The following ACADL variants were observed in gnomAD, a reference collection of about 807,000 sequenced individuals.
The protein encoded by ACADL is acyl-CoA dehydrogenase long chain.
In ACADL, 60 loss-of-function variants were observed where a neutral mutation model predicts 56.9. The ratio of observed to expected loss-of-function variants is 1.05; its 90% CI spans 0.86 to 1.31. ACADL has a LOEUF of 1.31. ACADL is among the 50% of genes most tolerant of loss of function. The probability of loss-of-function intolerance (pLI) is 0.00; values close to 1 mark genes in which losing one functional copy is unlikely to be tolerated. For missense variants in ACADL, 484 were observed against 525.5 expected (o/e 0.92, Z 0.77); for synonymous variants, 158 against 179.7 (o/e 0.88, Z 0.97).
chr2:210,211,049 T>C (rs1265501586), intron 4 of ACADL, among the ~76,000 whole-genome samples: 2 of 152,064 alleles, frequency 1.3e-5, no homozygotes, highest in Non-Finnish European at 2.9e-5. Context: ...TATTAGTAAA[T>C]AAAATATTAA....
intron 5 of ACADL, among the ~76,000 whole-genome samples, chr2:210,208,109 A>C (rs996224242): frequency 1.3e-5 from 2 of 152,164 alleles, no homozygotes; most frequent in Admixed American, 1.3e-4. Flanking sequence ...TTGAAATGCT[A>C]TGAGTGCTTT....
rs146176190 is a variant in ACADL, at chr2:210,216,420, T to C, written c.463A>G (p.Lys155Glu). The change falls in exon 4 of 11, where the codon AAG becomes GAG. Residue 155 changes from lysine to glutamate, a missense_variant. Lys to Glu is a moderately conservative substitution (Grantham distance 56). Coordinates refer to ENST00000233710, the MANE Select transcript of ACADL (RefSeq NM_001608.4). ...ITNHGSEEQI[K>E]HFIPQMTAGK... is the part of the protein sequence containing the mutation. ...GCAGTCATCTGGGGAATAAAGTGCT[T>C]AATCTGTTCTTCTGAGCCATGGTTT... 2.0e-5 allele frequency: 33 copies of C among 1,613,818 alleles called. No homozygotes were observed. The Middle Eastern group carries it at 9.9e-4, about 48-fold the overall frequency.
Position 210,203,398 on chromosome 2 carries a change from A to T in ACADL, c.917T>A (p.Met306Lys). The T allele has an allele frequency of 3.1e-6, 5 of 1,607,536 alleles. No homozygotes were observed. Among genetic ancestry groups the T allele is most frequent in the Non-Finnish European group, 4.3e-6 (5 of 1,174,908 alleles). Reference protein sequence around the residue: ...ADVAISASEFMFEETRNYVKQ... With the variant: ...ADVAISASEFKFEETRNYVKQ... ...AACATAGTTCCTGGTTTCTTCAAAC[A>T]TGAATTCACTAGCTGAAATTGCCAC... Residue 306 changes from methionine to lysine, a missense_variant, in exon 8 of 11, where the codon ATG (methionine) becomes AAG (lysine). Transcript: ENST00000233710.
chr2:210,217,933 C>T (rs1235734576), intron 3 of ACADL, 32 bp downstream of exon 3: 5 of 1,613,230 alleles, frequency 3.1e-6, no homozygotes, highest in Middle Eastern at 1.7e-4. Flanking sequence ...GTTTACAAAA[C>T]AAGACTCAAC....
intron 4 of ACADL, among the ~76,000 whole-genome samples, chr2:210,212,474 A>G (rs1250242583): frequency 1.3e-5 from 2 of 152,026 alleles, no homozygotes; most frequent in Non-Finnish European, 1.5e-5. Flanking sequence ...ATCCTCCCCT[A>G]TAACCTCTGT....
At chr2:210,216,646 G>A (rs1334848093) in intron 3 of ACADL, 135 bp from the exon 4 acceptor site, 21 of 827,126 alleles carry the variant, frequency 2.5e-5, no homozygotes, top group Middle Eastern at 3.6e-4. Flanking sequence ...ACATTCCTGA[G>A]TGTTTTCTCT....
chr2:210,214,281 G>A (rs949748899), intron 4 of ACADL, among the ~76,000 whole-genome samples: 7 of 151,854 alleles, frequency 4.6e-5, no homozygotes, highest in African/African-American at 1.5e-4. Context: ...TTCTTCCCAC[G>A]TGTTTTTCCC....
At chr2:210,207,904 G>T (rs1042956287) in intron 5 of ACADL, among the ~76,000 whole-genome samples, 1 of 152,046 alleles carries the variant, frequency 6.6e-6, no homozygotes, top group Non-Finnish European at 1.5e-5. Context: ...ATTCTTTTTG[G>T]CACAGAGGAG....
At chr2:210,221,839 C>T (rs1402082432) in intron 1 of ACADL, among the ~76,000 whole-genome samples, 2 of 151,362 alleles carry the variant, frequency 1.3e-5, no homozygotes, top group East Asian at 3.9e-4. Flanking sequence ...AGCCATTCTT[C>T]TGCCTCAGCC....
At position 210,204,594 on chromosome 2, in the gene ACADL, T is replaced by C; in HGVS notation, c.857A>G (p.Lys286Arg). Residue 286 changes from lysine (K) to arginine (R), a missense_variant, in exon 7 of 11, where the codon AAA becomes AGA. Lys to Arg is a conservative substitution (Grantham distance 26). Transcript: ENST00000233710. ...EENKGFYYIM[K>R]ELPQERLLIA... ...AACACTTCTGACCTGTGGAAGCTCT[T>C]TCATGATGTAATAGAAGCCTTTATT... The C allele has an allele frequency of 6.2e-7, 1 of 1,606,172 alleles. No homozygotes were observed. The highest frequency in any genetic ancestry group is 8.5e-7 in the Non-Finnish European group (1 of 1,173,060).
chr2:210,218,076 CTACT>C lies in ACADL; in HGVS notation c.256_259del (p.Ser86GlyfsTer75), dbSNP rs1689117614. 1.2e-6 allele frequency: 2 copies of C among 1,613,838 alleles called. No individual in the cohort carries two copies. Among genetic ancestry groups the C allele is most frequent in the South Asian group, 2.2e-5 (2 of 91,062 alleles). On this transcript the variant is annotated frameshift_variant, in exon 3 of 11. Coordinates refer to ENST00000233710, the MANE Select transcript of ACADL (RefSeq NM_001608.4). LOFTEE classifies it high-confidence loss of function. ...TTTTCCAGCTTTTTCCCAAACCTCC[CTACT>C]TACTTCTCCAGCTTTCTCCCATCTG...
chr2:210,195,591 C>G (rs1688697711), intron 8 of ACADL, among the ~76,000 whole-genome samples: 1 of 152,108 alleles, frequency 6.6e-6, no homozygotes, highest in South Asian at 2.1e-4. Context: ...TGTCTTGTTT[C>G]AGATTGTAAA....
intron 5 of ACADL, among the ~76,000 whole-genome samples, chr2:210,207,112 A>G (rs1688899009): frequency 1.3e-5 from 2 of 152,250 alleles, no homozygotes; most frequent in African/African-American, 4.8e-5. Flanking sequence ...TTTGGAATTT[A>G]TTCACTTCCT....
chr2:210,221,546 C>G (rs1689175853), intron 1 of ACADL, among the ~76,000 whole-genome samples: 1 of 152,132 alleles, frequency 6.6e-6, no homozygotes. Flanking sequence ...ATATTCAAAT[C>G]TTGCCAAAGG....
chr2:210,219,727 A>G (rs989548744), intron 2 of ACADL, among the ~76,000 whole-genome samples: 1 of 152,308 alleles, frequency 6.6e-6, no homozygotes, highest in South Asian at 2.1e-4. Context: ...TGCAAAAGCA[A>G]TACACATTCA....
rs192236488 is a variant in ACADL at position 210,202,827 on chromosome 2, A to G, written c.984+504T>C. Reference sequence around the variant, plus strand: ...ACTCAGGAAAGAGTTGCCTACCATCAGTATTGTTTTACGTCCTCATTTCTA... The same window carrying G: ...ACTCAGGAAAGAGTTGCCTACCATCGGTATTGTTTTACGTCCTCATTTCTA... On this transcript the variant is annotated intron_variant, in intron 8 of 10. Transcript: ENST00000233710. 1.1e-4 allele frequency among the ~76,000 whole-genome samples: 17 copies of G among 152,194 alleles called. 1 individual carries two copies. In the East Asian group the frequency reaches 3.3e-3, roughly 29 times the overall value.
chr2:210,217,654 A>C lies in ACADL; in HGVS notation c.371+311T>G, dbSNP rs180982186. On this transcript the variant is annotated intron_variant, in intron 3 of 10. Coordinates refer to ENST00000233710, the MANE Select transcript of ACADL (RefSeq NM_001608.4). ...ATATATTTGATGGAAGTATATTTCT[A>C]CTCTGCTGTTCTCTTTCAAATATCT... The C allele has an allele frequency of 4.2e-4, 103 of 247,426 alleles. 1 individual carries two copies. The East Asian group carries it at 7.1e-3, about 17-fold the overall frequency. The allele number at this position is 247,426 out of a possible 1,614,324, so 15.3% of individuals were successfully genotyped here. A position where few individuals can be genotyped will look rare whatever the true frequency, so the allele number is the denominator to read the frequency against.
intron 8 of ACADL, 63 bp from the exon 9 acceptor site, chr2:210,195,401 T>A (rs1223600599): frequency 6.7e-7 from 1 of 1,500,526 alleles, no homozygotes; most frequent in East Asian, 2.3e-5. Context: ...TTCAACCCAC[T>A]TAACATATCA....
At chr2:210,210,110 A>T in intron 5 of ACADL, 86 bp downstream of exon 5, 1 of 1,033,850 alleles carries the variant, frequency 9.7e-7, no homozygotes, top group African/African-American at 1.6e-5. Flanking sequence ...CCCTAGATTT[A>T]ATAGAATTAA....
Sources: allele counts gnomAD v4.1 joint callset (sites outside exome capture counted in the v4.1 genomes callset), GRCh38; gene constraint gnomAD v4.1.1; transcripts MANE v1.5; gene names NCBI Gene and HGNC (gene_info 2026-07-23, HGNC 2026-07-21).